OPCML: variants seen among roughly 807,000 people sequenced by gnomAD.
OPCML encodes opioid-binding protein/cell adhesion molecule.
OPCML carries 13 observed loss-of-function variants against 37.8 expected under a neutral mutation model. The ratio of observed to expected loss-of-function variants is 0.34; its 90% confidence interval spans 0.22 to 0.55. The LOEUF is 0.55. Among genes scored for constraint, OPCML ranks in the 20% least tolerant of loss-of-function variants. The pLI, the probability that OPCML is intolerant of heterozygous loss-of-function variation, is 0.91. For missense variants in OPCML, 341 were observed against 435.6 expected, an observed-to-expected ratio of 0.78 and a Z score of 1.93; for synonymous variants, 176 against 168.8, an observed-to-expected ratio of 1.04 and a Z score of -0.33.
At chr11:133,133,331 T>C (rs1343460419) in intron 1 of OPCML, among the ~76,000 whole-genome samples, 1 of 152,140 alleles carries the variant, frequency 6.6e-6, no homozygotes, top group Non-Finnish European at 1.5e-5. Context: ...ATTCTTCCCA[T>C]CTCCAGCCAG....
rs1234181892 is a variant in OPCML at position 132,837,857 on chromosome 11, C to G, written c.146+105069G>C. On this transcript the variant is annotated intron_variant, in intron 2 of 7. Coordinates refer to ENST00000524381, the MANE Select transcript of OPCML (RefSeq NM_001012393.5). The stretch of plus-strand genomic sequence containing the variant: ...TAAGCGGGTCAGTACCAAGACAGGC[C>G]CTCCCTCCTCCCTCACTGCTCAGGG... Among the ~76,000 whole-genome samples the G allele has an allele frequency of 2.6e-5, 4 of 152,112 alleles. No individual in the cohort carries two copies. In the East Asian group the frequency reaches 7.7e-4, roughly 29 times the overall value.
chr11:133,062,656 A>G (rs1236785602), intron 1 of OPCML, among the ~76,000 whole-genome samples: 2 of 152,156 alleles, frequency 1.3e-5, no homozygotes, highest in Non-Finnish European at 2.9e-5. Flanking sequence ...TTAATGCGTC[A>G]CCGCACCCAA....
chr11:132,729,514 C>T (rs952981369), intron 2 of OPCML, among the ~76,000 whole-genome samples: 1 of 152,190 alleles, frequency 6.6e-6, no homozygotes, highest in South Asian at 2.1e-4. Flanking sequence ...ACTCCAGTAG[C>T]TGTGTATTCT....
intron 1 of OPCML, among the ~76,000 whole-genome samples, chr11:133,232,860 G>T (rs1940338917): frequency 6.6e-6 from 1 of 152,192 alleles, no homozygotes; most frequent in South Asian, 2.1e-4. Context: ...ATCATTAAAA[G>T]TACAGACATT....
At position 133,458,593 on chromosome 11, in the gene OPCML, A is replaced by G. The variant is rs548793962; in HGVS notation, c.61+73671T>C. ...TATACACGTGTGTGTACACATATATACACGTGTGTGTGTGTATACACATAT... is the reference window on the plus strand; with the variant it reads ...TATACACGTGTGTGTACACATATATGCACGTGTGTGTGTGTATACACATAT... On this transcript the variant is annotated intron_variant, in intron 1 of 7. Coordinates refer to ENST00000524381, the MANE Select transcript of OPCML (RefSeq NM_001012393.5). 1.4e-4 allele frequency among the ~76,000 whole-genome samples: 16 copies of G among 116,186 alleles called. 6 individuals are homozygous for G. Among genetic ancestry groups the G allele is most frequent in the African/African-American group, 1.1e-3 (15 of 13,222 alleles). 76.2% of individuals were successfully genotyped at this position (116,186 alleles called of 152,430 possible). A position where few individuals can be genotyped will look rare whatever the true frequency, so the allele number is the denominator to read the frequency against.
chr11:132,991,207 T>A (rs960708045), intron 1 of OPCML, among the ~76,000 whole-genome samples: 3 of 152,130 alleles, frequency 2.0e-5, no homozygotes, highest in Admixed American at 2.0e-4. Flanking sequence ...AACTAGAAAA[T>A]CTTTTGACTG....
chr11:133,501,464 C>T (rs1277951254), intron 1 of OPCML, among the ~76,000 whole-genome samples: 1 of 152,150 alleles, frequency 6.6e-6, no homozygotes, highest in Non-Finnish European at 1.5e-5. Flanking sequence ...AGTAGGTACC[C>T]AACAAACATT....
At chr11:132,965,810 C>T (rs956562413) in intron 1 of OPCML, among the ~76,000 whole-genome samples, 1 of 152,180 alleles carries the variant, frequency 6.6e-6, no homozygotes, top group Non-Finnish European at 1.5e-5. Flanking sequence ...GGATTACAGG[C>T]ATGAGCCATT....
intron 1 of OPCML, among the ~76,000 whole-genome samples, chr11:133,207,119 TAAAAAAAAAAAA>T (rs71038525): frequency 1.0e-5 from 1 of 99,686 alleles, no homozygotes; most frequent in South Asian, 3.5e-4. Context: ...AACCCTCTAC[TAAAAAAAAAAAA>T]AAAAAAAAAA....
At chr11:132,669,646 C>T (rs1028558876) in intron 2 of OPCML, among the ~76,000 whole-genome samples, 1 of 152,202 alleles carries the variant, frequency 6.6e-6, no homozygotes, top group Non-Finnish European at 1.5e-5. Context: ...CCACCTTCTT[C>T]CATCGTGACT....
At chr11:132,864,193 C>T (rs1029711237) in intron 2 of OPCML, among the ~76,000 whole-genome samples, 43 of 152,198 alleles carry the variant, frequency 2.8e-4, no homozygotes, top group African/African-American at 1.0e-3. Context: ...CCTCCTCGGC[C>T]TCTCATAGTG....
chr11:133,482,389 G>A (rs187062161), intron 1 of OPCML, among the ~76,000 whole-genome samples: 42 of 152,252 alleles, frequency 2.8e-4, no homozygotes, highest in African/African-American at 9.6e-4. Flanking sequence ...GGTTTCATAC[G>A]GGAAAGCATG....
intron 1 of OPCML, among the ~76,000 whole-genome samples, chr11:133,436,805 C>T (rs548488846): frequency 1.8e-4 from 27 of 152,228 alleles, no homozygotes; most frequent in Admixed American, 3.3e-4. Flanking sequence ...AAGGGTAATA[C>T]TTTATGTGAA....
intron 1 of OPCML, among the ~76,000 whole-genome samples, chr11:133,223,887 T>G (rs1939935311): frequency 6.6e-6 from 1 of 152,100 alleles, no homozygotes; most frequent in Admixed American, 6.5e-5. Flanking sequence ...AGCATCTGAG[T>G]GTTAAGCCAG....
At chr11:132,441,541 A>G (rs948554624) in intron 4 of OPCML, among the ~76,000 whole-genome samples, 3 of 152,182 alleles carry the variant, frequency 2.0e-5, no homozygotes, top group African/African-American at 7.2e-5. Context: ...AAGTCTGCTC[A>G]ACAGTTTTGC....
At chr11:132,464,968 G>T (rs1241059414) in intron 4 of OPCML, among the ~76,000 whole-genome samples, 1 of 152,032 alleles carries the variant, frequency 6.6e-6, no homozygotes, top group Non-Finnish European at 1.5e-5. Flanking sequence ...TGCATACAGA[G>T]GTGTGTATAT....
At chr11:133,441,878 T>G (rs1946372401) in intron 1 of OPCML, among the ~76,000 whole-genome samples, 1 of 152,144 alleles carries the variant, frequency 6.6e-6, no homozygotes, top group African/African-American at 2.4e-5. Flanking sequence ...GTTAAAGAAC[T>G]CAGCAGAACA....
At chr11:132,708,648 T>C (rs1298672790) in intron 2 of OPCML, among the ~76,000 whole-genome samples, 1 of 152,208 alleles carries the variant, frequency 6.6e-6, no homozygotes, top group African/African-American at 2.4e-5. Flanking sequence ...CAGACTCTGA[T>C]AGAAAGAACC....
intron 1 of OPCML, among the ~76,000 whole-genome samples, chr11:133,529,110 G>GACTCAAAT (rs539446329): frequency 1.3e-5 from 2 of 152,162 alleles, no homozygotes; most frequent in East Asian, 1.9e-4. Flanking sequence ...GACAGGTTTT[G>GACTCAAAT]ACTCAAATAC....
Sources: gnomAD v4.1 joint callset for allele counts (sites outside exome capture counted in the v4.1 genomes callset) on GRCh38, gnomAD v4.1.1 for gene constraint, MANE v1.5 for transcripts, NCBI Gene and HGNC (gene_info 2026-07-23, HGNC 2026-07-21) for gene names.